Variants in LCT observed in about 807,000 individuals in gnomAD.
The protein encoded by LCT is lactase/phlorizin hydrolase.
Under a neutral mutation model 173.0 loss-of-function variants are expected in LCT, and 90 were observed. The ratio of observed to expected loss-of-function variants is 0.52; its 90% CI spans 0.44 to 0.62. The LOEUF (loss-of-function observed/expected upper bound fraction) is 0.62, where lower values mean the gene tolerates loss of function less well. Among genes scored for constraint, LCT ranks in the 20% least tolerant of loss-of-function variants. The pLI is 0.00. For synonymous variants in LCT, 853 were observed against 957.6 expected (o/e 0.89, Z 2.02); for missense variants, 1,864 against 2,431.4 (o/e 0.77, Z 4.91).
chr2:135,832,446 A>C (rs2077948211), intron 2 of LCT, among the ~76,000 whole-genome samples: 2 of 151,692 alleles, frequency 1.3e-5, no homozygotes, highest in East Asian at 3.9e-4. Context: ...TAAATAAATA[A>C]AAATAAAAAA....
At chr2:135,805,600 C>T (rs2077664398) in intron 9 of LCT, among the ~76,000 whole-genome samples, 1 of 152,138 alleles carries the variant, frequency 6.6e-6, no homozygotes, top group Admixed American at 6.5e-5. Flanking sequence ...TAAGCTCAGG[C>T]CCATGCTGAG....
rs769946768 is a variant in LCT, at chr2:135,836,737, C to T, written c.433G>A (p.Glu145Lys). ...TCGGCGAAGAGGTCAGCAAAGGCTTCGGTTCTCCGGAGGGTGCTGGCAGGG... is the reference window on the plus strand; with the variant it reads ...TCGGCGAAGAGGTCAGCAAAGGCTTTGGTTCTCCGGAGGGTGCTGGCAGGG... ...TLPASTLRRT[E>K]AFADLFADYA... is the part of the protein sequence containing the mutation. Residue 145 changes from glutamate (E) to lysine (K), a missense_variant, in exon 1 of 17, where the codon GAA becomes AAA. Transcript: ENST00000264162. The T allele has an allele frequency of 1.2e-5, 19 of 1,613,998 alleles. No individual in the cohort carries two copies. The East Asian group carries it at 2.5e-4, about 21-fold the overall frequency.
intron 2 of LCT, among the ~76,000 whole-genome samples, chr2:135,831,242 T>A (rs922231910): frequency 1.4e-4 from 21 of 152,084 alleles, no homozygotes; most frequent in African/African-American, 4.8e-4. Context: ...CACAGTTACG[T>A]GTACATTAAC....
Position 135,808,665 on chromosome 2 carries a change from C to T in LCT, c.3682G>A (p.Asp1228Asn). The change falls in exon 8 of 17, where the codon GAC becomes AAC. Residue 1228 changes from aspartate to asparagine, a missense_variant. Asp to Asn is a conservative substitution (Grantham distance 23). Around this residue, in one of 4 missense-constraint regions of LCT, gnomAD observed 755 missense variants for 926.3 expected, o/e 0.82. Transcript: ENST00000264162. ...TPRLNPPSYE[D>N]DQEMAEEEDP... ...TCCTCCTCAGCCATCTCCTGGTCGT[C>T]TTCGTAGGAGGGTGGGTTTAGCCTG... The T allele has an allele frequency of 6.2e-7, 1 of 1,614,170 alleles. No homozygotes were observed. The highest frequency in any genetic ancestry group is 8.5e-7 in the Non-Finnish European group (1 of 1,180,032).
intron 4 of LCT, chr2:135,822,473 G>C (rs1012605269): frequency 4.5e-6 from 1 of 222,950 alleles, no homozygotes; most frequent in African/African-American, 2.3e-5. Flanking sequence ...CACAACTTTG[G>C]GAACAATTGA....
In LCT at chr2:135,836,939, G is replaced by C; in HGVS notation, c.231C>G (p.Ser77Arg). The C allele has an allele frequency of 6.2e-7, 1 of 1,614,188 alleles. No individual in the cohort carries two copies. Among genetic ancestry groups the C allele is most frequent in the Non-Finnish European group, 8.5e-7 (1 of 1,180,016 alleles). The change falls in exon 1 of 17, where the codon AGC (serine) becomes AGG (arginine). Residue 77 changes from serine (S) to arginine (R), a missense_variant. By Grantham distance (110) the Ser-to-Arg change is moderately radical. This residue lies in a region of LCT where 412 missense variants were observed against 462.0 expected (regional missense o/e 0.89). Transcript: ENST00000264162. ...PLPTFLPEYF[S>R]SLHASQITHY... ...GGGTGATCTGACTGGCATGGAGACT[G>C]CTGAAGTATTCTGGCAGGAAAGTGG...
Position 135,809,332 on chromosome 2 carries a change from A to G in LCT, c.3015T>C (p.Asn1005=), listed in dbSNP as rs1347126842. The G allele has an allele frequency of 6.2e-7, 1 of 1,614,138 alleles. No homozygotes were observed. The highest frequency in any genetic ancestry group is 2.2e-5 in the East Asian group (1 of 44,900). ...HGVDYYNRLI[N]GLVASNIFPM... Reference sequence around the variant, plus strand: ...GAAAGATGTTGCTTGCCACCAAGCCATTGATCAGCCTGTTGTAATAATCAA... The same window carrying G: ...GAAAGATGTTGCTTGCCACCAAGCCGTTGATCAGCCTGTTGTAATAATCAA... Residue 1005 remains asparagine (N), a synonymous_variant, in exon 8 of 17, where the codon AAT becomes AAC. Coordinates refer to ENST00000264162, the MANE Select transcript of LCT (RefSeq NM_002299.4). The surrounding 1 kb of genome is among the most constrained non-coding windows in gnomAD (Gnocchi z 5.5).
Position 135,790,988 on chromosome 2 carries a change from C to G in LCT, c.5112-107G>C. On this transcript the variant is annotated intron_variant, in intron 14 of 16. Coordinates refer to ENST00000264162, the MANE Select transcript of LCT (RefSeq NM_002299.4). This position sits in a 1 kb window ranked among gnomAD's most constrained non-coding sequence, Gnocchi z 4.1. ...GACCAGGAAAAGCCTTAGGTTTTGT[C>G]TAGCCTTAAGAATCATACTAAACCC... 1.2e-6 allele frequency: 1 copy of G among 852,234 alleles called. No individual in the cohort carries two copies. 52.8% of individuals were successfully genotyped at this position (852,234 alleles called of 1,614,324 possible). A position where few individuals can be genotyped will look rare whatever the true frequency, so the allele number is the denominator to read the frequency against.
chr2:135,837,172 T>G lies in LCT; in HGVS notation c.-3A>C, dbSNP rs758676095. ...ACTACATGCCAAGACAGCTCCATTT[T>G]CTAGGAACTGTTAGGAGGTATGTGG... On this transcript the variant is annotated 5_prime_UTR_variant, in exon 1 of 17. Transcript: ENST00000264162. The G allele has an allele frequency of 6.2e-7, 1 of 1,611,996 alleles. No individual in the cohort carries two copies. The highest frequency in any genetic ancestry group is 1.7e-5 in the Admixed American group (1 of 60,016).
rs756105881 is a variant in LCT at position 135,809,911 on chromosome 2, G to A, written c.2436C>T (p.Ser812=). 2.2e-5 allele frequency: 35 copies of A among 1,614,098 alleles called. No individual in the cohort carries two copies. In the South Asian group the frequency reaches 3.7e-4, roughly 17 times the overall value. ...IDGFEGPSGY[S]QRFGLHHVNF... ...TGACGTGGTGCAGGCCAAACCGCTGGCTGTAACCAGAAGGGCCTTCGAAGC... is the reference window on the plus strand; with the variant it reads ...TGACGTGGTGCAGGCCAAACCGCTGACTGTAACCAGAAGGGCCTTCGAAGC... The change falls in exon 8 of 17, where the codon AGC becomes AGT. Residue 812 remains serine (S), a synonymous_variant. Coordinates refer to ENST00000264162, the MANE Select transcript of LCT (RefSeq NM_002299.4). The surrounding 1 kb of genome is among the most constrained non-coding windows in gnomAD (Gnocchi z 5.5).
Position 135,804,810 on chromosome 2 carries a change from A to G in LCT, c.4421T>C (p.Val1474Ala), listed in dbSNP as rs1437955174. Residue 1474 changes from valine to alanine, a missense_variant, in exon 10 of 17, where the codon GTG becomes GCG. Coordinates refer to ENST00000264162, the MANE Select transcript of LCT (RefSeq NM_002299.4). Reference protein sequence around the residue: ...YINEAGLNYYVRLIDTLLAAS... With the variant: ...YINEAGLNYYARLIDTLLAAS... ...GGCCAGCAGTGTATCGATGAGCCTC[A>G]CGTAGTAGTTCAGGCCCGCTTCATT... 4.8e-5 allele frequency: 77 copies of G among 1,613,622 alleles called. No individual in the cohort carries two copies. Among genetic ancestry groups the G allele is most frequent in the Non-Finnish European group, 6.4e-5 (76 of 1,180,042 alleles).
At chr2:135,805,125 T>C (rs762638669) in intron 9 of LCT, 68 bp from the exon 10 acceptor site, 3 of 1,422,394 alleles carry the variant, frequency 2.1e-6, no homozygotes, top group Non-Finnish European at 3.0e-6. Flanking sequence ...TTTCTTTCAC[T>C]GGGTGAGTCT....
Position 135,817,534 on chromosome 2 carries a change from T to C in LCT, c.1514A>G (p.Gln505Arg). ...LFHWDLPQAL[Q>R]DHGGWQNESV... ...CTCATTCTGCCATCCACCATGATCC[T>C]GCAGGGCCTGAGGCAGGTCCCAGTG... Residue 505 changes from glutamine to arginine, a missense_variant, in exon 6 of 17, where the codon CAG becomes CGG. By Grantham distance (43) the Gln-to-Arg change is conservative (BLOSUM62 1). Around this residue, in one of 4 missense-constraint regions of LCT, gnomAD observed 183 missense variants for 293.1 expected, o/e 0.62. Transcript: ENST00000264162. 12 of 1,614,120 alleles carry C rather than the reference T, an allele frequency of 7.4e-6. No individual in the cohort carries two copies. The highest frequency in any genetic ancestry group is 1.0e-5 in the Non-Finnish European group (12 of 1,180,026).
In LCT at chr2:135,836,666, G is replaced by A; in HGVS notation, c.504C>T (p.Ile168=). 6.2e-7 allele frequency: 1 copy of A among 1,614,182 alleles called. No homozygotes were observed. The change falls in exon 1 of 17, where the codon ATC becomes ATT. Residue 168 remains isoleucine (I), a synonymous_variant. Coordinates refer to ENST00000264162, the MANE Select transcript of LCT (RefSeq NM_002299.4). ...CCTCCAAGTCACTGAAGGTGAACCA[G>A]ATCCCAACTAGGTCCCCGAAGGAGT... The part of the protein sequence containing the change: ...AFHSFGDLVG[I]WFTFSDLEEV...
rs764666139 is a variant in LCT at position 135,817,983 on chromosome 2, A to G, written c.1065T>C (p.Pro355=). The change falls in exon 6 of 17, where the codon CCT becomes CCC. Residue 355 remains proline (P), a synonymous_variant. Transcript: ENST00000264162. Reference sequence around the variant, plus strand: ...CCCAGATTCTCTGATAGGCAGAGGCAGGAGAGGAGTCCGTGGTCTCGTGGT... The same window carrying G: ...CCCAGATTCTCTGATAGGCAGAGGCGGGAGAGGAGTCCGTGGTCTCGTGGT... ...QQDHETTDSS[P]ASAYQRIWEA... is the part of the protein sequence containing the mutation. The G allele has an allele frequency of 1.9e-6, 3 of 1,613,700 alleles. No individual in the cohort carries two copies. Among genetic ancestry groups the G allele is most frequent in the South Asian group, 2.2e-5 (2 of 91,084 alleles).
chr2:135,819,720 T>A (rs558940855), intron 5 of LCT, among the ~76,000 whole-genome samples: 1 of 152,322 alleles, frequency 6.6e-6, no homozygotes, highest in African/African-American at 2.4e-5. Context: ...CCAAAACATA[T>A]GCGACTGTGG....
At chr2:135,828,803 G>T (rs1164769058) in intron 3 of LCT, among the ~76,000 whole-genome samples, 1 of 152,178 alleles carries the variant, frequency 6.6e-6, no homozygotes, top group Non-Finnish European at 1.5e-5. Context: ...GGAGTACTGA[G>T]CTTACTGGAA....
chr2:135,824,597 G>C (rs1162343939), intron 3 of LCT, among the ~76,000 whole-genome samples: 1 of 152,178 alleles, frequency 6.6e-6, no homozygotes, highest in Non-Finnish European at 1.5e-5. Context: ...TTATAGGTTA[G>C]GTGAAAGAAG....
chr2:135,800,365 C>T (rs1310422368), intron 12 of LCT, among the ~76,000 whole-genome samples: 1 of 152,128 alleles, frequency 6.6e-6, no homozygotes, highest in Non-Finnish European at 1.5e-5. Flanking sequence ...GCAGCTGGGA[C>T]TATAGGTGTG....
Sources: gnomAD v4.1 joint callset for allele counts (sites outside exome capture counted in the v4.1 genomes callset) on GRCh38, gnomAD v4.1.1 for gene constraint, gnomAD v4.1.1 regional missense constraint, Gnocchi (gnomAD v3.1) non-coding constraint, MANE v1.5 for transcripts, NCBI Gene and HGNC (gene_info 2026-07-23, HGNC 2026-07-21) for gene names.